The following TMEM178B variants were observed in gnomAD, a reference collection of about 807,000 sequenced individuals.
TMEM178B encodes transmembrane protein 178B.
A neutral mutation model predicts 31.0 loss-of-function variants in TMEM178B; 5 were observed. That is an observed-to-expected ratio of 0.16 (90% CI 0.08 to 0.34). The LOEUF is 0.34. Among genes scored for constraint, TMEM178B ranks in the 10% least tolerant of loss-of-function variants. TMEM178B has a pLI of 1.00. For missense variants in TMEM178B, 275 were observed against 400.3 expected (o/e 0.69, Z 2.67); for synonymous variants, 164 against 164.0 (o/e 1.00, Z 0.00).
At chr7:141,211,346 A>T (rs1797049698) in intron 1 of TMEM178B, among the ~76,000 whole-genome samples, 1 of 152,230 alleles carries the variant, frequency 6.6e-6, no homozygotes, top group African/African-American at 2.4e-5. Context: ...GCAGTTGTCC[A>T]GATATGATTT....
intron 1 of TMEM178B, among the ~76,000 whole-genome samples, chr7:141,188,083 A>G (rs562756643): frequency 1.2e-4 from 18 of 152,240 alleles, no homozygotes; most frequent in Non-Finnish European, 2.2e-4. Context: ...TAGGTCTAAC[A>G]TTTAAGTCTT....
chr7:141,176,509 T>C (rs946777633), intron 1 of TMEM178B, among the ~76,000 whole-genome samples: 2 of 152,132 alleles, frequency 1.3e-5, no homozygotes, highest in Non-Finnish European at 2.9e-5. Flanking sequence ...TTTTCTATTA[T>C]TTGGAATAGT....
At chr7:141,217,560 A>G (rs1243695762) in intron 2 of TMEM178B, among the ~76,000 whole-genome samples, 2 of 152,160 alleles carry the variant, frequency 1.3e-5, no homozygotes, top group African/African-American at 4.8e-5. Flanking sequence ...GCAGACACCC[A>G]TTGGAAGGTA....
intron 1 of TMEM178B, among the ~76,000 whole-genome samples, chr7:141,194,373 C>T (rs565161624): frequency 6.6e-6 from 1 of 152,284 alleles, no homozygotes; most frequent in South Asian, 2.1e-4. Context: ...CTAAAAACAG[C>T]CATTTCAAAT....
chr7:141,431,563 C>G (rs117772556), intron 2 of TMEM178B, among the ~76,000 whole-genome samples: 1 of 152,142 alleles, frequency 6.6e-6, no homozygotes, highest in Non-Finnish European at 1.5e-5. Context: ...ACATTAGGGT[C>G]ATGGAATACA....
intron 2 of TMEM178B, among the ~76,000 whole-genome samples, chr7:141,323,179 A>G (rs1799130979): frequency 6.6e-6 from 1 of 152,324 alleles, no homozygotes; most frequent in South Asian, 2.1e-4. Context: ...CCTCTTTAAA[A>G]ATACTCTGTT....
chr7:141,361,171 C>T (rs1799912106), intron 2 of TMEM178B, among the ~76,000 whole-genome samples: 1 of 152,198 alleles, frequency 6.6e-6, no homozygotes, highest in South Asian at 2.1e-4. Context: ...CAGTCTCAAA[C>T]ACTGGCTTGG....
chr7:141,402,595 G>A (rs774425013), intron 2 of TMEM178B, among the ~76,000 whole-genome samples: 42 of 152,244 alleles, frequency 2.8e-4, no homozygotes, highest in Non-Finnish European at 4.7e-4. Flanking sequence ...GGGGAGGAGA[G>A]AGGATGGAGG....
At position 141,074,241 on chromosome 7, in the gene TMEM178B, G is replaced by C. The variant is rs1173221998; in HGVS notation, c.-70G>C. On this transcript the variant is annotated 5_prime_UTR_variant, in exon 1 of 4. Transcript: ENST00000565468. This position sits in a 1 kb window ranked among gnomAD's most constrained non-coding sequence, Gnocchi z 5.1. The stretch of plus-strand genomic sequence containing the variant: ...CCCCAGCTCGGCCGCCCGCCGCTTT[G>C]TTCCGGGTGCGGCGAGGGAAGGCGA... 4 of 1,448,020 alleles carry C rather than the reference G, an allele frequency of 2.8e-6. No homozygotes were observed. In the African/African-American group the frequency reaches 4.3e-5, roughly 15 times the overall value. The allele number at this position is 1,448,020 out of a possible 1,614,324, so 89.7% of individuals were successfully genotyped here. A position where few individuals can be genotyped will look rare whatever the true frequency, so the allele number is the denominator to read the frequency against.
intron 2 of TMEM178B, among the ~76,000 whole-genome samples, chr7:141,324,629 C>T (rs1003037034): frequency 2.0e-5 from 3 of 151,632 alleles, no homozygotes; most frequent in Non-Finnish European, 2.9e-5. Context: ...TCATTTAAAG[C>T]ACAGGTTGCC....
At chr7:141,493,548 G>T in the TMEM178B span, among the ~76,000 whole-genome samples, 2 of 152,150 alleles carry the variant, frequency 1.3e-5, no homozygotes, top group Non-Finnish European at 2.9e-5. Context: ...AGTCCAGGAA[G>T]ATCTTCTCAA....
chr7:141,315,604 C>T (rs913701636), intron 2 of TMEM178B, among the ~76,000 whole-genome samples: 1 of 152,198 alleles, frequency 6.6e-6, no homozygotes, highest in Non-Finnish European at 1.5e-5. Context: ...CATTTAATCC[C>T]ATACTTTCTG....
chr7:141,228,690 G>A (rs555412368), intron 2 of TMEM178B, among the ~76,000 whole-genome samples: 1 of 152,320 alleles, frequency 6.6e-6, no homozygotes, highest in African/African-American at 2.4e-5. Context: ...CCACCAGCTA[G>A]GGGTGACCAA....
At chr7:141,300,745 T>C (rs907655236) in intron 2 of TMEM178B, among the ~76,000 whole-genome samples, 1 of 152,164 alleles carries the variant, frequency 6.6e-6, no homozygotes, top group Non-Finnish European at 1.5e-5. Flanking sequence ...AATCCCAGTG[T>C]CCTGTCCCTT....
At chr7:141,454,912 C>T (rs544880684) in intron 3 of TMEM178B, among the ~76,000 whole-genome samples, 39 of 151,970 alleles carry the variant, frequency 2.6e-4, no homozygotes, top group Non-Finnish European at 4.0e-4. Flanking sequence ...AATAAACCCC[C>T]GAGAGGAAAG....
intron 2 of TMEM178B, among the ~76,000 whole-genome samples, chr7:141,315,054 G>A (rs542170668): frequency 1.3e-5 from 2 of 152,298 alleles, no homozygotes; most frequent in South Asian, 4.1e-4. Flanking sequence ...AAGGCTTATG[G>A]CCACTTGGTT....
chr7:141,482,215 T>G (rs1443850440), downstream of TMEM178B, among the ~76,000 whole-genome samples: 3 of 152,190 alleles, frequency 2.0e-5, no homozygotes, highest in Non-Finnish European at 2.9e-5. Flanking sequence ...AGCTGTTAAA[T>G]AATTGCAGAC....
intron 2 of TMEM178B, among the ~76,000 whole-genome samples, chr7:141,373,365 A>T (rs576492791): frequency 1.6e-4 from 25 of 152,326 alleles, no homozygotes; most frequent in African/African-American, 6.0e-4. Context: ...AATCCTGAGG[A>T]CCAGTATGGA....
intron 2 of TMEM178B, among the ~76,000 whole-genome samples, chr7:141,234,048 A>T (rs1364116292): frequency 2.6e-5 from 4 of 152,174 alleles, no homozygotes; most frequent in African/African-American, 9.7e-5. Flanking sequence ...TGATGCTTCT[A>T]AAAAGATGTA....
Sources: allele counts gnomAD v4.1 joint callset (sites outside exome capture counted in the v4.1 genomes callset), GRCh38; gene constraint gnomAD v4.1.1; non-coding constraint Gnocchi (gnomAD v3.1); transcripts MANE v1.5; gene names NCBI Gene and HGNC (gene_info 2026-07-23, HGNC 2026-07-21).